Variants in LRRC49 observed in about 807,000 individuals in gnomAD.
LRRC49 encodes the protein leucine rich repeat containing 49, also known as leucine-rich repeat-containing protein 49.
A neutral mutation model predicts 83.3 loss-of-function variants in LRRC49; 50 were observed. That is an observed-to-expected ratio of 0.60 (90% CI 0.48 to 0.76). LRRC49 has a LOEUF of 0.76. Ranked by LOEUF, LRRC49 falls within the 30% of genes least tolerant of loss-of-function variation. LRRC49 has a pLI of 0.00. For missense variants in LRRC49, 704 were observed against 809.1 expected (o/e 0.87, Z 1.58); for synonymous variants, 286 against 283.3 (o/e 1.01, Z -0.10).
Position 70,926,023 on chromosome 15 carries a change from C to T in LRRC49, c.711+6830C>T, listed in dbSNP as rs921929607. On this transcript the variant is annotated intron_variant, in intron 7 of 15. Coordinates refer to ENST00000260382, the MANE Select transcript of LRRC49 (RefSeq NM_017691.5). ...TAATTTTGCCTGTTTTTGAAAAGTA[C>T]ATATATAAAGATTATGTACTCTTTT... 4.6e-5 allele frequency among the ~76,000 whole-genome samples: 7 copies of T among 152,164 alleles called. No individual in the cohort carries two copies. The East Asian group carries it at 1.3e-3, about 29-fold the overall frequency.
chr15:70,946,457 C>CAT (rs1209988727), intron 8 of LRRC49, among the ~76,000 whole-genome samples: 2 of 152,164 alleles, frequency 1.3e-5, no homozygotes, highest in Non-Finnish European at 2.9e-5. Context: ...TTCCACTGTG[C>CAT]ATATATATAC....
upstream of LRRC49, among the ~76,000 whole-genome samples, chr15:70,889,395 A>T (rs1345592842): frequency 6.6e-6 from 1 of 152,036 alleles, no homozygotes; most frequent in Non-Finnish European, 1.5e-5. Context: ...GTTACCTTTG[A>T]GGAGAGGGGA....
intron 10 of LRRC49, among the ~76,000 whole-genome samples, 193 bp downstream of exon 10, chr15:70,980,377 A>G (rs2037357690): frequency 6.6e-6 from 1 of 152,200 alleles, no homozygotes; most frequent in South Asian, 2.1e-4. Flanking sequence ...GAAATAAAAT[A>G]TGATATACAT....
chr15:70,993,634 A>C (rs575939878), intron 11 of LRRC49, among the ~76,000 whole-genome samples: 1 of 152,362 alleles, frequency 6.6e-6, no homozygotes, highest in East Asian at 1.9e-4. Flanking sequence ...ATGGCAAAAT[A>C]TAATTTTACT....
At chr15:70,985,330 T>C (rs1175317581) in intron 11 of LRRC49, among the ~76,000 whole-genome samples, 1 of 151,802 alleles carries the variant, frequency 6.6e-6, no homozygotes, top group Non-Finnish European at 1.5e-5. Flanking sequence ...TTCTAACTGG[T>C]GTGAGATGGT....
intron 1 of LRRC49, among the ~76,000 whole-genome samples, chr15:70,856,695 G>C (rs1194550287): frequency 6.6e-6 from 1 of 152,168 alleles, no homozygotes; most frequent in Non-Finnish European, 1.5e-5. Flanking sequence ...CATGGGAGAA[G>C]TCCAACTCGA....
intron 14 of LRRC49, among the ~76,000 whole-genome samples, chr15:71,018,978 A>T (rs1041201061): frequency 6.6e-6 from 1 of 152,212 alleles, no homozygotes; most frequent in Non-Finnish European, 1.5e-5. Context: ...ACAGATGAAC[A>T]GCCAGATAGA....
At chr15:71,021,323 T>C (rs144464613) in intron 14 of LRRC49, among the ~76,000 whole-genome samples, 1 of 152,336 alleles carries the variant, frequency 6.6e-6, no homozygotes, top group East Asian at 1.9e-4. Context: ...TGACTAACTT[T>C]AGATATTAGT....
At chr15:70,897,304 T>A (rs775007942) in intron 3 of LRRC49, among the ~76,000 whole-genome samples, 2 of 152,170 alleles carry the variant, frequency 1.3e-5, no homozygotes, top group Non-Finnish European at 2.9e-5. Flanking sequence ...GAATAAAGTT[T>A]TATACATAAG....
At chr15:71,021,808 G>A (rs1443200567) in intron 14 of LRRC49, among the ~76,000 whole-genome samples, 1 of 152,196 alleles carries the variant, frequency 6.6e-6, no homozygotes, top group Non-Finnish European at 1.5e-5. Context: ...GCCTGGGCTT[G>A]TTCTCATGGC....
At chr15:70,965,232 A>G (rs1420704193) in intron 9 of LRRC49, among the ~76,000 whole-genome samples, 1 of 152,086 alleles carries the variant, frequency 6.6e-6, no homozygotes, top group Non-Finnish European at 1.5e-5. Flanking sequence ...TTAGTACTTA[A>G]TTATATGGTA....
chr15:70,872,052 A>T (rs947291873), intron 1 of LRRC49, among the ~76,000 whole-genome samples: 1 of 152,140 alleles, frequency 6.6e-6, no homozygotes, highest in Non-Finnish European at 1.5e-5. Context: ...GGCGGCTGGG[A>T]GGTGGAGGTT....
intron 8 of LRRC49, among the ~76,000 whole-genome samples, chr15:70,952,290 A>G (rs1490247627): frequency 6.6e-6 from 1 of 150,908 alleles, no homozygotes; most frequent in Non-Finnish European, 1.5e-5. Context: ...TGAATTAGAG[A>G]GTAGTCCCTC....
At chr15:70,978,684 G>A (rs4776534) in intron 9 of LRRC49, among the ~76,000 whole-genome samples, 121,753 of 152,042 alleles carry the variant, frequency 0.8, 49,319 homozygotes, top group Admixed American at 0.86. Flanking sequence ...CAGCAGTTTC[G>A]GTTTTAATAA....
chr15:70,856,605 T>C lies in LRRC49; in HGVS notation c.-299+3136T>C, dbSNP rs532768301. ...GAATGTTTAAGGCAACTCACATAAG[T>C]TTCTCATTTATAGTAGTTGGCTTAG... On this transcript the variant is annotated intron_variant, in intron 1 of 16. Transcript: ENST00000544974. 2.4e-4 allele frequency among the ~76,000 whole-genome samples: 37 copies of C among 152,288 alleles called. 1 individual carries two copies. In the South Asian group the frequency reaches 7.3e-3, roughly 30 times the overall value.
chr15:70,964,663 C>T (rs1373423249), intron 9 of LRRC49, among the ~76,000 whole-genome samples: 12 of 152,040 alleles, frequency 7.9e-5, no homozygotes. Flanking sequence ...TTATAGGATC[C>T]AAGAAGTTCT....
chr15:71,002,773 G>A (rs948826456), intron 11 of LRRC49, among the ~76,000 whole-genome samples: 1 of 151,764 alleles, frequency 6.6e-6, no homozygotes, highest in Admixed American at 6.6e-5. Flanking sequence ...AAAGCCTAAA[G>A]GTTAAAAAAA....
chr15:70,927,859 G>A (rs778128286), intron 7 of LRRC49, among the ~76,000 whole-genome samples: 19 of 151,992 alleles, frequency 1.3e-4, no homozygotes, highest in Non-Finnish European at 2.8e-4. Flanking sequence ...TGTTGCCTAG[G>A]CTGGTCTCAA....
chr15:70,873,260 A>G (rs1412065197), intron 2 of LRRC49: 2 of 1,531,204 alleles, frequency 1.3e-6, no homozygotes, highest in Middle Eastern at 1.7e-4. Context: ...ATTTTGTATA[A>G]CAATTATACT....
Sources: gnomAD v4.1 joint callset for allele counts (sites outside exome capture counted in the v4.1 genomes callset) on GRCh38, gnomAD v4.1.1 for gene constraint, MANE v1.5 for transcripts, NCBI Gene and HGNC (gene_info 2026-07-23, HGNC 2026-07-21) for gene names.